SYT10: variants seen among roughly 807,000 people sequenced by gnomAD.
SYT10 encodes the protein synaptotagmin-10.
Under a neutral mutation model 51.1 loss-of-function variants are expected in SYT10, and 31 were observed. That is an observed-to-expected ratio of 0.61 (90% CI 0.46 to 0.82). SYT10 has a LOEUF of 0.82. Among genes scored for constraint, SYT10 ranks in the 40% least tolerant of loss-of-function variants. SYT10 has a pLI of 0.00. For missense variants in SYT10, 603 were observed against 634.0 expected, an observed-to-expected ratio of 0.95 and a Z score of 0.53; for synonymous variants, 233 against 225.9, an observed-to-expected ratio of 1.03 and a Z score of -0.28.
intron 1 of SYT10, among the ~76,000 whole-genome samples, chr12:33,428,677 CG>C (rs1188267620): frequency 2.6e-5 from 4 of 152,082 alleles, no homozygotes; most frequent in African/African-American, 9.7e-5. Flanking sequence ...GAGGCTGAGA[CG>C]GGCGGATCAC....
chr12:33,415,479 A>T (rs1866445000), intron 2 of SYT10, among the ~76,000 whole-genome samples: 1 of 152,214 alleles, frequency 6.6e-6, no homozygotes, highest in African/African-American at 2.4e-5. Context: ...TGGGAAACCT[A>T]TATCCTCTTG....
rs140305852 is a variant in SYT10 at position 33,425,180 on chromosome 12, G to A, written c.509+958C>T. Among the ~76,000 whole-genome samples the A allele has an allele frequency of 3.3e-3, 505 of 152,098 alleles. 2 individuals are homozygous for A. The highest frequency in any genetic ancestry group is 0.012 in the African/African-American group (480 of 41,514). On this transcript the variant is annotated intron_variant, in intron 2 of 6. Coordinates refer to ENST00000228567, the MANE Select transcript of SYT10 (RefSeq NM_198992.4). ...TTACCATGTTGGAAAACATGGATGC[G>A]TCTTCGGTTTAGAGAGATAAAAAGG...
intron 1 of SYT10, chr12:33,432,914 T>C (rs1409293154): frequency 6.6e-6 from 1 of 152,062 alleles, no homozygotes; most frequent in African/African-American, 2.4e-5. Flanking sequence ...TACAGCACAA[T>C]TCCATAAAGA....
intron 6 of SYT10, among the ~76,000 whole-genome samples, chr12:33,377,623 C>CTTTT (rs112564699): frequency 1.4e-5 from 1 of 71,286 alleles, no homozygotes; most frequent in Non-Finnish European, 2.5e-5. Flanking sequence ...TTTTCTTTTT[C>CTTTT]TTTTTCTTTT....
chr12:33,384,750 A>G (rs1866142954), intron 4 of SYT10, among the ~76,000 whole-genome samples: 1 of 152,210 alleles, frequency 6.6e-6, no homozygotes, highest in African/African-American at 2.4e-5. Flanking sequence ...TGCAAATGGT[A>G]GTCGTGGAAC....
intron 3 of SYT10, among the ~76,000 whole-genome samples, chr12:33,403,428 A>G (rs1335838730): frequency 1.3e-5 from 2 of 151,538 alleles, no homozygotes; most frequent in African/African-American, 4.8e-5. Flanking sequence ...ACGGGGCTTC[A>G]CTCACCATGT....
intron 1 of SYT10, among the ~76,000 whole-genome samples, chr12:33,434,697 TG>T (rs1866623545): frequency 6.6e-6 from 1 of 152,034 alleles, no homozygotes; most frequent in Non-Finnish European, 1.5e-5. Flanking sequence ...CCCAGCTACT[TG>T]GGAGGCTGAG....
At chr12:33,416,451 C>G (rs927404381) in intron 2 of SYT10, among the ~76,000 whole-genome samples, 3 of 152,148 alleles carry the variant, frequency 2.0e-5, no homozygotes, top group Admixed American at 2.0e-4. Context: ...ACTTCCATTA[C>G]CACTTACTGT....
chr12:33,378,127 A>T (rs1163055711), intron 6 of SYT10, among the ~76,000 whole-genome samples: 2 of 152,190 alleles, frequency 1.3e-5, no homozygotes, highest in East Asian at 3.9e-4. Flanking sequence ...TGAATGTAGG[A>T]GCAGGGGTTA....
At chr12:33,435,266 A>G (rs973820785) in intron 1 of SYT10, among the ~76,000 whole-genome samples, 6 of 152,228 alleles carry the variant, frequency 3.9e-5, no homozygotes, top group African/African-American at 1.2e-4. Flanking sequence ...CACAAAGGAA[A>G]AAGAAAAGGT....
intron 4 of SYT10, 87 bp from the exon 5 acceptor site, chr12:33,382,607 C>G: frequency 7.9e-7 from 1 of 1,269,282 alleles, no homozygotes; most frequent in Non-Finnish European, 1.1e-6. Flanking sequence ...TAAATAAGAC[C>G]TATAGTACTA....
At chr12:33,392,526 A>C (rs1295836378) in intron 3 of SYT10, among the ~76,000 whole-genome samples, 1 of 152,104 alleles carries the variant, frequency 6.6e-6, no homozygotes, top group Non-Finnish European at 1.5e-5. Flanking sequence ...AGATACAGGA[A>C]AAGGAGGCTT....
chr12:33,409,420 T>G (rs1446927544), intron 2 of SYT10, among the ~76,000 whole-genome samples: 1 of 152,128 alleles, frequency 6.6e-6, no homozygotes, highest in Non-Finnish European at 1.5e-5. Flanking sequence ...TTTCACCATG[T>G]TGGCCAGGCT....
chr12:33,435,139 C>T lies in SYT10; in HGVS notation c.151+4233G>A, dbSNP rs149533235. 3.3e-3 allele frequency among the ~76,000 whole-genome samples: 503 copies of T among 152,206 alleles called. 1 individual carries two copies. The highest frequency in any genetic ancestry group is 0.012 in the African/African-American group (480 of 41,522). The stretch of plus-strand genomic sequence containing the variant: ...CAATTTTTTCAAAAAGCCAGTATTA[C>T]AGTAATGACTGTTTTTTTAAAAATG... On this transcript the variant is annotated intron_variant, in intron 1 of 6. Coordinates refer to ENST00000228567, the MANE Select transcript of SYT10 (RefSeq NM_198992.4).
rs1446246153 is a variant in SYT10 at position 33,407,120 on chromosome 12, A to G, written c.746T>C (p.Val249Ala). The G allele has an allele frequency of 1.9e-6, 3 of 1,613,738 alleles. No homozygotes were observed. Among genetic ancestry groups the G allele is most frequent in the Admixed American group, 1.7e-5 (1 of 59,904 alleles). The change falls in exon 3 of 7, where the codon GTT becomes GCT. Residue 249 changes from valine to alanine, a missense_variant. Val to Ala is a moderately conservative substitution (Grantham distance 64, BLOSUM62 0). Coordinates refer to ENST00000228567, the MANE Select transcript of SYT10 (RefSeq NM_198992.4). ...ATCTAAAGCTTTGATAATTTTAACA[A>G]CTAGAAGTTCATTTTCATAATCATA... ...LQYDYENELL[V>A]VKIIKALDLP...
At chr12:33,423,806 ATTTGAATTC>A in intron 2 of SYT10, 1 of 376,972 alleles carries the variant, frequency 2.7e-6, no homozygotes, top group Non-Finnish European at 5.2e-6. Flanking sequence ...ATCTGGATAA[ATTTGAATTC>A]TTACTCTTCC....
rs1164087767 is a variant in SYT10, at chr12:33,407,121, C to T, written c.745G>A (p.Val249Ile). 2 of 1,613,706 alleles carry T rather than the reference C, an allele frequency of 1.2e-6. No individual in the cohort carries two copies. Among genetic ancestry groups the T allele is most frequent in the African/African-American group, 2.7e-5 (2 of 74,920 alleles). Residue 249 changes from valine (V) to isoleucine (I), a missense_variant, in exon 3 of 7, where the codon GTT (valine) becomes ATT (isoleucine). Coordinates refer to ENST00000228567, the MANE Select transcript of SYT10 (RefSeq NM_198992.4). ...LQYDYENELL[V>I]VKIIKALDLP... The stretch of plus-strand genomic sequence containing the variant: ...TCTAAAGCTTTGATAATTTTAACAA[C>T]TAGAAGTTCATTTTCATAATCATAC...
chr12:33,420,491 A>G (rs1188878678), intron 2 of SYT10, among the ~76,000 whole-genome samples: 1 of 149,128 alleles, frequency 6.7e-6, no homozygotes, highest in Non-Finnish European at 1.5e-5. Flanking sequence ...TAGAAAAAAA[A>G]ATAAAAAATA....
intron 1 of SYT10, among the ~76,000 whole-genome samples, chr12:33,427,966 T>C (rs1332414473): frequency 6.6e-6 from 1 of 152,172 alleles, no homozygotes; most frequent in Non-Finnish European, 1.5e-5. Flanking sequence ...AAAATATGCA[T>C]TTCAGAACTA....
Sources: allele counts gnomAD v4.1 joint callset (sites outside exome capture counted in the v4.1 genomes callset), GRCh38; gene constraint gnomAD v4.1.1; transcripts MANE v1.5; gene names NCBI Gene and HGNC (gene_info 2026-07-23, HGNC 2026-07-21).